The following MMAA variants were observed in gnomAD, a reference collection of about 807,000 sequenced individuals.
MMAA encodes methylmalonic aciduria type A protein, mitochondrial.
In MMAA, 41 loss-of-function variants were observed where a neutral mutation model predicts 45.0. The ratio of observed to expected loss-of-function variants is 0.91; its 90% CI spans 0.71 to 1.18. MMAA has a LOEUF of 1.18. Among genes scored for constraint, MMAA ranks in the 50% most tolerant of loss-of-function variants. MMAA has a pLI of 0.00. For missense variants in MMAA, 460 were observed against 495.7 expected, an observed-to-expected ratio of 0.93 and a Z score of 0.68; for synonymous variants, 154 against 178.2, an observed-to-expected ratio of 0.86 and a Z score of 1.08.
At chr4:145,651,459 A>G (rs1728086291) in intron 5 of MMAA, among the ~76,000 whole-genome samples, 2 of 152,334 alleles carry the variant, frequency 1.3e-5, no homozygotes, top group South Asian at 2.1e-4. Flanking sequence ...ACGTTGATTC[A>G]AAAGTTCTGG....
chr4:145,639,724 A>G lies in MMAA; in HGVS notation c.439+146A>G, dbSNP rs183881549. Reference sequence around the variant, plus strand: ...GAATTTTAAATGAGTTTTCCTGGCAAATATTAGTTTTGTTAAGTTGAAAAA... The same window carrying G: ...GAATTTTAAATGAGTTTTCCTGGCAGATATTAGTTTTGTTAAGTTGAAAAA... On this transcript the variant is annotated intron_variant, in intron 2 of 6. Transcript: ENST00000649156. The G allele has an allele frequency of 1.3e-4, 189 of 1,426,904 alleles. No individual in the cohort carries two copies. The East Asian group carries it at 3.7e-3, about 28-fold the overall frequency. 88.4% of individuals were successfully genotyped at this position (1,426,904 alleles called of 1,614,324 possible). A position where few individuals can be genotyped will look rare whatever the true frequency, so the allele number is the denominator to read the frequency against.
intron 4 of MMAA, 48 bp downstream of exon 4, chr4:145,646,204 T>C: frequency 2.5e-6 from 4 of 1,604,478 alleles, no homozygotes; most frequent in Non-Finnish European, 3.4e-6. Flanking sequence ...TTATGAATGC[T>C]ATATAAAGAT....
intron 1 of MMAA, chr4:145,624,813 A>T (rs576833542): frequency 4.4e-5 from 70 of 1,604,706 alleles, no homozygotes; most frequent in Non-Finnish European, 5.8e-5. Context: ...GGCTCTGCAC[A>T]CCTCCTCTAC....
intron 4 of MMAA, chr4:145,646,537 A>G (rs1485902461): frequency 4.3e-6 from 1 of 230,556 alleles, no homozygotes; most frequent in African/African-American, 2.3e-5. Flanking sequence ...TGAAAATGCA[A>G]ATATGTTTTA....
At chr4:145,647,727 G>A (rs1007237234) in intron 4 of MMAA, among the ~76,000 whole-genome samples, 8 of 152,046 alleles carry the variant, frequency 5.3e-5, no homozygotes, top group Non-Finnish European at 7.4e-5. Flanking sequence ...TCCTTTTGAG[G>A]GCACTAGTCC....
At chr4:145,642,328 G>C in intron 2 of MMAA, 35 bp from the exon 3 acceptor site, 1 of 1,611,586 alleles carries the variant, frequency 6.2e-7, no homozygotes, top group Non-Finnish European at 8.5e-7. Context: ...GATTTCATTT[G>C]TTTCATTGAA....
At position 145,642,485 on chromosome 4, in the gene MMAA, G is replaced by C. The variant is rs864309729; in HGVS notation, c.562G>C (p.Gly188Arg). The change falls in exon 3 of 7, where the codon GGA becomes CGA. Residue 188 changes from glycine to arginine, a missense_variant and splice_region_variant. Physicochemically the swap from Gly to Arg is moderately radical, Grantham distance 125. Coordinates refer to ENST00000649156, the MANE Select transcript of MMAA (RefSeq NM_172250.3). ...GGACCCTTCTTCTTGTACTAGTGGT[G>C]GTAAGTATGGCTGATTCTTTTTCAA... ...AVDPSSCTSG[G>R]SLLGDKTRMT... 1.2e-6 allele frequency: 2 copies of C among 1,614,066 alleles called. No individual in the cohort carries two copies. The highest frequency in any genetic ancestry group is 1.7e-6 in the Non-Finnish European group (2 of 1,179,982).
intron 3 of MMAA, among the ~76,000 whole-genome samples, chr4:145,643,129 G>A (rs774835541): frequency 5.3e-5 from 8 of 152,180 alleles, no homozygotes; most frequent in Non-Finnish European, 1.2e-4. Flanking sequence ...TATAAACTTA[G>A]TTCCCCAAAG....
Position 145,642,351 on chromosome 4 carries a change from T to C in MMAA, c.440-12T>C. 1.9e-6 allele frequency: 3 copies of C among 1,613,668 alleles called. No individual in the cohort carries two copies. The highest frequency in any genetic ancestry group is 2.5e-6 in the Non-Finnish European group (3 of 1,179,910). ...TTGTTTCATTGAATTAGAAGATCTC[T>C]TTCCACCGTAGGATTGTCTGGGCCC... On this transcript the variant is annotated splice_polypyrimidine_tract_variant and intron_variant, in intron 2 of 6. Coordinates refer to ENST00000649156, the MANE Select transcript of MMAA (RefSeq NM_172250.3).
Position 145,639,193 on chromosome 4 carries a change from A to C in MMAA, c.54A>C (p.Arg18Ser). Reference protein sequence around the residue: ...PHQHFLKGLLRAPFRCYHFIF... With the variant: ...PHQHFLKGLLSAPFRCYHFIF... Reference sequence around the variant, plus strand: ...AGCATTTCCTAAAAGGCCTTTTAAGAGCACCTTTCCGATGTTACCACTTCA... The same window carrying C: ...AGCATTTCCTAAAAGGCCTTTTAAGCGCACCTTTCCGATGTTACCACTTCA... The change falls in exon 2 of 7, where the codon AGA (arginine) becomes AGC (serine). Residue 18 changes from arginine to serine, a missense_variant. Physicochemically the swap from Arg to Ser is moderately radical, Grantham distance 110. Coordinates refer to ENST00000649156, the MANE Select transcript of MMAA (RefSeq NM_172250.3). The C allele has an allele frequency of 6.2e-7, 1 of 1,614,188 alleles. No homozygotes were observed.
chr4:145,624,821 T>C (rs1734166663), intron 1 of MMAA: 2 of 1,608,056 alleles, frequency 1.2e-6, no homozygotes, highest in Admixed American at 1.7e-5. Context: ...ACACCTCCTC[T>C]ACCTTACATG....
intron 1 of MMAA, among the ~76,000 whole-genome samples, chr4:145,638,165 C>A (rs937432632): frequency 2.6e-5 from 4 of 151,930 alleles, no homozygotes; most frequent in Non-Finnish European, 4.4e-5. Context: ...GTCAGGAGAT[C>A]GAGAGCGTCC....
In MMAA at chr4:145,655,673, T is replaced by C. The variant is rs1392125455; in HGVS notation, c.*239T>C. 5 of 411,084 alleles carry C rather than the reference T, an allele frequency of 1.2e-5. No individual in the cohort carries two copies. Among genetic ancestry groups the C allele is most frequent in the African/African-American group, 2.0e-5 (1 of 48,784 alleles). 25.5% of individuals were successfully genotyped at this position (411,084 alleles called of 1,614,324 possible). A position where few individuals can be genotyped will look rare whatever the true frequency, so the allele number is the denominator to read the frequency against. ...TTCCTTCTCTTCTTATACCCTGGCA[T>C]GGTGGCCTGTAGGGTAGTTTCTTCT... is the stretch of plus-strand genomic sequence containing the variant. On this transcript the variant is annotated 3_prime_UTR_variant, in exon 7 of 7. Coordinates refer to ENST00000649156, the MANE Select transcript of MMAA (RefSeq NM_172250.3).
chr4:145,622,586 GATT>G (rs1044521210), intron 1 of MMAA, among the ~76,000 whole-genome samples: 1 of 152,084 alleles, frequency 6.6e-6, no homozygotes, highest in Non-Finnish European at 1.5e-5. Flanking sequence ...ATTTTGATTT[GATT>G]ATTATTATTT....
intron 4 of MMAA, among the ~76,000 whole-genome samples, chr4:145,648,858 C>T (rs570442146): frequency 1.3e-5 from 2 of 152,224 alleles, no homozygotes; most frequent in Admixed American, 1.3e-4. Context: ...TGGTGGCATG[C>T]ACCTGTAGTC....
rs1368430973 is a variant in MMAA at position 145,637,233 on chromosome 4, G to A, written c.-65-1842G>A. Among the ~76,000 whole-genome samples, 5 of 152,188 alleles carry A rather than the reference G, an allele frequency of 3.3e-5. No individual in the cohort carries two copies. The East Asian group carries it at 7.7e-4, about 23-fold the overall frequency. On this transcript the variant is annotated intron_variant, in intron 1 of 6. Transcript: ENST00000649156. The stretch of plus-strand genomic sequence containing the variant: ...ATTCCAGTCTATTGGTAGTGGTAGT[G>A]CTGCTGATGAGAATTGTGCTTAAAG...
Position 145,655,427 on chromosome 4 carries a change from G to T in MMAA, c.1250G>T (p.Arg417Ile). 1 of 1,610,524 alleles carries T rather than the reference G, an allele frequency of 6.2e-7. No homozygotes were observed. The highest frequency in any genetic ancestry group is 8.5e-7 in the Non-Finnish European group (1 of 1,178,782). Residue 417 changes from arginine to isoleucine, a missense_variant, in exon 7 of 7, where the codon AGA becomes ATA. By Grantham distance (97) the Arg-to-Ile change is moderately conservative. Transcript: ENST00000649156. ...TTCTTGTTAAAAGCTTTTAAAAGCA[G>T]AGACTAATAAAATTCATCCTGTATA... ...ADFLLKAFKSRD is the reference protein window; with the variant it reads ...ADFLLKAFKSID
chr4:145,625,233 C>A, intron 1 of MMAA: 1 of 1,122,274 alleles, frequency 8.9e-7, no homozygotes, highest in Non-Finnish European at 1.3e-6. Flanking sequence ...TTTTCAGGAA[C>A]TTCCTGTTGC....
At chr4:145,632,761 CT>C (rs113394222) in intron 1 of MMAA, among the ~76,000 whole-genome samples, 36,955 of 144,532 alleles carry the variant, frequency 0.26, 5,647 homozygotes, top group African/African-American at 0.45. Context: ...CTCACTAATT[CT>C]TTTTTTTTTT....
Sources: allele counts gnomAD v4.1 joint callset (sites outside exome capture counted in the v4.1 genomes callset), GRCh38; gene constraint gnomAD v4.1.1; transcripts MANE v1.5; gene names NCBI Gene and HGNC (gene_info 2026-07-23, HGNC 2026-07-21).